LCT: variants seen among roughly 807,000 people sequenced by gnomAD.
LCT encodes the protein lactase/phlorizin hydrolase.
LCT carries 90 observed loss-of-function variants against 173.0 expected under a neutral mutation model. The ratio of observed to expected loss-of-function variants is 0.52; its 90% CI spans 0.44 to 0.62. The LOEUF (loss-of-function observed/expected upper bound fraction) is 0.62. Ranked by LOEUF, LCT falls within the 20% of genes least tolerant of loss-of-function variation. LCT has a pLI of 0.00. For missense variants in LCT, 1,864 were observed against 2,431.4 expected, an observed-to-expected ratio of 0.77 and a Z score of 4.91; for synonymous variants, 853 against 957.6, an observed-to-expected ratio of 0.89 and a Z score of 2.02.
chr2:135,803,117 A>G (rs549642528), intron 11 of LCT, among the ~76,000 whole-genome samples: 1 of 152,284 alleles, frequency 6.6e-6, no homozygotes, highest in South Asian at 2.1e-4. Flanking sequence ...GTCTCAAAAA[A>G]ATAAAAAATG....
chr2:135,789,555 C>G lies in LCT; in HGVS notation c.5563+16G>C. The G allele has an allele frequency of 6.3e-7, 1 of 1,598,472 alleles. No homozygotes were observed. The highest frequency in any genetic ancestry group is 1.7e-5 in the Admixed American group (1 of 59,978). On this transcript the variant is annotated intron_variant, in intron 16 of 16. Transcript: ENST00000264162. ...TTCACCCTTAGGCTTTATTCCCTCC[C>G]AGAGCCACATCTCACCTGGCTGGTG...
intron 10 of LCT, 128 bp from the exon 11 acceptor site, chr2:135,804,256 T>C (rs2077650523): frequency 3.8e-6 from 3 of 783,052 alleles, no homozygotes; most frequent in Non-Finnish European, 6.5e-6. Flanking sequence ...GGCTCAAAGA[T>C]TTTTTTCTTT....
intron 2 of LCT, 38 bp from the exon 3 acceptor site, chr2:135,829,714 G>T: frequency 7.4e-7 from 1 of 1,350,760 alleles, no homozygotes; most frequent in Non-Finnish European, 1.1e-6. Context: ...TAGAACCTAA[G>T]CACTGTCAAG....
intron 2 of LCT, among the ~76,000 whole-genome samples, chr2:135,832,583 C>T (rs1319279686): frequency 6.6e-6 from 1 of 151,420 alleles, no homozygotes; most frequent in African/African-American, 2.4e-5. Flanking sequence ...CTCCAGGGCT[C>T]AAGCAATCCT....
intron 3 of LCT, among the ~76,000 whole-genome samples, chr2:135,828,877 G>A (rs1325488766): frequency 6.6e-6 from 1 of 152,126 alleles, no homozygotes; most frequent in African/African-American, 2.4e-5. Flanking sequence ...TTTTAAAAAT[G>A]TGGTAAAATA....
At chr2:135,805,543 T>C (rs1030082270) in intron 9 of LCT, among the ~76,000 whole-genome samples, 2 of 152,204 alleles carry the variant, frequency 1.3e-5, no homozygotes, top group Non-Finnish European at 2.9e-5. Flanking sequence ...GTAAGCCTCA[T>C]TTTGGCATGA....
chr2:135,809,856 G>A lies in LCT; in HGVS notation c.2491C>T (p.Pro831Ser). ...NFSDSSKSRT[P>S]RKSAYFFTSI... ...GTGAAAAAGTAGGCAGATTTCCTGG[G>A]AGTCCTTGACTTGCTGCTGTCGCTG... Residue 831 changes from proline to serine, a missense_variant, in exon 8 of 17, where the codon CCC becomes TCC. Physicochemically the swap from Pro to Ser is moderately conservative, Grantham distance 74 (BLOSUM62 -1). This residue lies in a region of LCT where 755 missense variants were observed against 926.3 expected (regional missense o/e 0.82). Coordinates refer to ENST00000264162, the MANE Select transcript of LCT (RefSeq NM_002299.4). The surrounding 1 kb of genome is among the most constrained non-coding windows in gnomAD (Gnocchi z 5.5). The A allele has an allele frequency of 6.2e-7, 1 of 1,614,188 alleles. No homozygotes were observed. The highest frequency in any genetic ancestry group is 8.5e-7 in the Non-Finnish European group (1 of 1,180,030).
In LCT at chr2:135,812,426, T is replaced by C. The variant is rs2077741906; in HGVS notation, c.2238A>G (p.Gly746=). The C allele has an allele frequency of 6.2e-7, 1 of 1,614,124 alleles. No homozygotes were observed. The highest frequency in any genetic ancestry group is 1.3e-5 in the African/African-American group (1 of 74,944). The stretch of plus-strand genomic sequence containing the variant: ...TCCCGGCAAGGTATATTGGAACTTT[T>C]CCTCTTGTGTATTCCAGGGATACAA... The part of the protein sequence containing the change: ...LQFVSLEYTR[G]KVPIYLAGNG... The change falls in exon 7 of 17, where the codon GGA becomes GGG. Residue 746 remains glycine, a synonymous_variant. Transcript: ENST00000264162.
At chr2:135,827,703 A>G (rs539783650) in intron 3 of LCT, among the ~76,000 whole-genome samples, 39 of 152,210 alleles carry the variant, frequency 2.6e-4, no homozygotes, top group African/African-American at 9.2e-4. Context: ...CTCCTATCTA[A>G]TATGGTCGCT....
At position 135,790,455 on chromosome 2, in the gene LCT, A is replaced by G. The variant is rs1172473323; in HGVS notation, c.5335+203T>C. On this transcript the variant is annotated intron_variant, in intron 15 of 16. Coordinates refer to ENST00000264162, the MANE Select transcript of LCT (RefSeq NM_002299.4). The surrounding 1 kb of genome is among the most constrained non-coding windows in gnomAD (Gnocchi z 4.1). The stretch of plus-strand genomic sequence containing the variant: ...AACTAGGGTTTGGTGGCATCAGGCC[A>G]CTGGGCTTGCTTGCTGAGCTTAGAC... 6.6e-6 allele frequency among the ~76,000 whole-genome samples: 1 copy of G among 152,200 alleles called. No individual in the cohort carries two copies. Among genetic ancestry groups the G allele is most frequent in the Non-Finnish European group, 1.5e-5 (1 of 68,032 alleles).
rs797014117 is a variant in LCT at position 135,831,212 on chromosome 2, G to T, written c.721-1536C>A. 9.8e-5 allele frequency among the ~76,000 whole-genome samples: 15 copies of T among 152,330 alleles called. 1 individual carries two copies. The highest frequency in any genetic ancestry group is 3.6e-4 in the African/African-American group (15 of 41,580). On this transcript the variant is annotated intron_variant, in intron 2 of 16. Coordinates refer to ENST00000264162, the MANE Select transcript of LCT (RefSeq NM_002299.4). ...AGGGTGAGTGAGGGAGTGTTACTGA[G>T]CGAGGCCTCAGCTGGAGAGCACAGT...
At chr2:135,807,451 C>A (rs2077686583) in intron 8 of LCT, 55 bp from the exon 9 acceptor site, 1 of 1,574,536 alleles carries the variant, frequency 6.4e-7, no homozygotes, top group East Asian at 2.2e-5. Flanking sequence ...GTCAGGACCT[C>A]CATGCACCCA....
intron 3 of LCT, among the ~76,000 whole-genome samples, chr2:135,824,742 C>T (rs2105550136): frequency 6.6e-6 from 1 of 152,220 alleles, no homozygotes; most frequent in Non-Finnish European, 1.5e-5. Flanking sequence ...GTGGCTCACG[C>T]CTATAATCCC....
intron 5 of LCT, chr2:135,821,602 T>A (rs1312831267): frequency 4.8e-6 from 1 of 206,514 alleles, no homozygotes; most frequent in African/African-American, 2.4e-5. Flanking sequence ...GACCTCAGTC[T>A]CCCAAGTAGC....
At chr2:135,788,684 C>T (rs2077511458) in intron 16 of LCT, 140 bp from the exon 17 acceptor site, 1 of 706,620 alleles carries the variant, frequency 1.4e-6, no homozygotes, top group Admixed American at 2.0e-5. Flanking sequence ...TACCCATCCC[C>T]TTTCACTGTG....
chr2:135,805,142 AG>A, intron 9 of LCT, 85 bp from the exon 10 acceptor site: 3 of 1,302,318 alleles, frequency 2.3e-6, no homozygotes, highest in Non-Finnish European at 3.3e-6. Context: ...GTCTCAAGTC[AG>A]GACGTTTACT....
intron 7 of LCT, among the ~76,000 whole-genome samples, 163 bp downstream of exon 7, chr2:135,812,148 C>A (rs1425432755): frequency 6.6e-6 from 1 of 152,108 alleles, no homozygotes; most frequent in Non-Finnish European, 1.5e-5. Context: ...ATGAATGAAC[C>A]TTGGGAAAGA....
At chr2:135,793,786 C>T (rs550945681) in intron 14 of LCT, among the ~76,000 whole-genome samples, 25 of 152,016 alleles carry the variant, frequency 1.6e-4, no homozygotes, top group Non-Finnish European at 3.5e-4. Flanking sequence ...AAAAGACAAT[C>T]GGCTGGGCGC....
intron 5 of LCT, among the ~76,000 whole-genome samples, chr2:135,818,549 A>G (rs1209553649): frequency 6.6e-6 from 1 of 152,252 alleles, no homozygotes; most frequent in Non-Finnish European, 1.5e-5. Context: ...TGAGACTAAA[A>G]GAAACGGGGG....
Sources: allele counts gnomAD v4.1 joint callset (sites outside exome capture counted in the v4.1 genomes callset), GRCh38; gene constraint gnomAD v4.1.1; regional missense constraint gnomAD v4.1.1; non-coding constraint Gnocchi (gnomAD v3.1); transcripts MANE v1.5; gene names NCBI Gene and HGNC (gene_info 2026-07-23, HGNC 2026-07-21).